Variants in NECTIN3 observed in about 807,000 individuals in gnomAD.
The protein encoded by NECTIN3 is nectin-3.
A neutral mutation model predicts 49.4 loss-of-function variants in NECTIN3; 8 were observed. The ratio of observed to expected loss-of-function variants is 0.16; its 90% CI spans 0.10 to 0.29. The LOEUF (loss-of-function observed/expected upper bound fraction) is 0.29, where lower values mean the gene tolerates loss of function less well. NECTIN3 is among the 10% of genes least tolerant of loss of function. The probability of loss-of-function intolerance (pLI) is 1.00; values close to 1 mark genes in which losing one functional copy is unlikely to be tolerated. For synonymous variants in NECTIN3, 277 were observed against 241.1 expected (o/e 1.15, Z -1.38); for missense variants, 581 against 654.6 (o/e 0.89, Z 1.23).
At chr3:111,176,905 C>A (rs2035540422) in intron 7 of NECTIN3, among the ~76,000 whole-genome samples, 1 of 152,052 alleles carries the variant, frequency 6.6e-6, no homozygotes, top group African/African-American at 2.4e-5. Flanking sequence ...TCTCATCTTT[C>A]AATAGGAAGG....
At chr3:111,080,441 A>G (rs2031519762) in intron 1 of NECTIN3, among the ~76,000 whole-genome samples, 1 of 152,148 alleles carries the variant, frequency 6.6e-6, no homozygotes, top group South Asian at 2.1e-4. Flanking sequence ...ATCTCTTGAA[A>G]TATAAAACAA....
Position 111,133,671 on chromosome 3 carries a change from A to G in NECTIN3, c.1106A>G (p.Gln369Arg), listed in dbSNP as rs2034471484. The G allele has an allele frequency of 6.2e-7, 1 of 1,613,820 alleles. No individual in the cohort carries two copies. The highest frequency in any genetic ancestry group is 1.7e-5 in the Admixed American group (1 of 59,966). ...PTTTTLQPTI[Q>R]WHPSTADIED... ...ACTACCACCCTTCAGCCTACAATTCAGTGGCATCCCTCAACTGCTGACATC... is the reference window on the plus strand; with the variant it reads ...ACTACCACCCTTCAGCCTACAATTCGGTGGCATCCCTCAACTGCTGACATC... The change falls in exon 6 of 6, where the codon CAG (glutamine) becomes CGG (arginine). Residue 369 changes from glutamine to arginine, a missense_variant. Gln to Arg is a conservative substitution (Grantham distance 43). This residue lies in a region of NECTIN3 where 238 missense variants were observed against 244.9 expected (regional missense o/e 0.97). Transcript: ENST00000485303.
intron 2 of NECTIN3, among the ~76,000 whole-genome samples, chr3:111,115,092 TCCGTGG>T (rs931963653): frequency 3.3e-5 from 5 of 152,176 alleles, no homozygotes; most frequent in African/African-American, 1.2e-4. Flanking sequence ...GTAGACAGCA[TCCGTGG>T]CCTCTAAACA....
intron 7 of NECTIN3, among the ~76,000 whole-genome samples, chr3:111,170,518 G>C (rs2035415406): frequency 6.6e-6 from 1 of 152,150 alleles, no homozygotes; most frequent in Admixed American, 6.5e-5. Context: ...ATAGAAATAG[G>C]TATAGGGAGT....
intron 7 of NECTIN3, among the ~76,000 whole-genome samples, chr3:111,175,355 C>G (rs1284993163): frequency 4.6e-5 from 7 of 151,484 alleles, no homozygotes; most frequent in Admixed American, 4.6e-4. Flanking sequence ...AGGGTGGGAC[C>G]TTTGCCAGGC....
At chr3:111,116,251 A>G (rs1039982540) in intron 2 of NECTIN3, among the ~76,000 whole-genome samples, 10 of 152,168 alleles carry the variant, frequency 6.6e-5, no homozygotes, top group Non-Finnish European at 1.5e-4. Context: ...CATATCAAGA[A>G]AAGATATGAA....
At chr3:111,186,498 G>A (rs138840088) in intron 7 of NECTIN3, among the ~76,000 whole-genome samples, 73 of 152,188 alleles carry the variant, frequency 4.8e-4, no homozygotes, top group African/African-American at 1.8e-3. Flanking sequence ...AGGGTAAATG[G>A]CTAGCCATAT....
At chr3:111,153,083 T>G (rs1435896520) in intron 7 of NECTIN3, among the ~76,000 whole-genome samples, 1 of 151,926 alleles carries the variant, frequency 6.6e-6, no homozygotes, top group African/African-American at 2.4e-5. Flanking sequence ...TTTTTCCAAA[T>G]TATAGAGAAG....
intron 7 of NECTIN3, among the ~76,000 whole-genome samples, chr3:111,158,112 T>A (rs2035134440): frequency 6.6e-6 from 1 of 152,244 alleles, no homozygotes; most frequent in African/African-American, 2.4e-5. Flanking sequence ...AAACATTGTC[T>A]TATGGTTGCT....
intron 7 of NECTIN3, among the ~76,000 whole-genome samples, chr3:111,158,769 A>G (rs997306300): frequency 2.6e-4 from 40 of 152,194 alleles, no homozygotes; most frequent in African/African-American, 5.3e-4. Flanking sequence ...ATTAAAAACA[A>G]TAGGTCTTTG....
At chr3:111,072,802 T>C in intron 1 of NECTIN3, 1 of 471,456 alleles carries the variant, frequency 2.1e-6, no homozygotes, top group South Asian at 2.4e-5. Context: ...TCTCTCACAC[T>C]GCCCGTGCTT....
intron 2 of NECTIN3, among the ~76,000 whole-genome samples, chr3:111,118,259 T>TATATATA (rs1428455356): frequency 8.3e-6 from 1 of 120,404 alleles, no homozygotes; most frequent in Non-Finnish European, 1.8e-5. Flanking sequence ...TATATATATA[T>TATATATA]ATATATATAT....
Position 111,136,241 on chromosome 3 carries a change from CTG to C in NECTIN3, c.*2027_*2028del, listed in dbSNP as rs1192846952. On this transcript the variant is annotated 3_prime_UTR_variant, in exon 6 of 6. Transcript: ENST00000485303. ...ATTTAGGATTCTATATAAATCTCAA[CTG>C]GAGTATAATCTGAAGGAAATTAGCA... The C allele has an allele frequency of 2.1e-6, 2 of 960,330 alleles. No homozygotes were observed. The highest frequency in any genetic ancestry group is 1.2e-4 in the Admixed American group (2 of 16,100). 59.5% of individuals were successfully genotyped at this position (960,330 alleles called of 1,614,324 possible). A position where few individuals can be genotyped will look rare whatever the true frequency, so the allele number is the denominator to read the frequency against.
intron 7 of NECTIN3, among the ~76,000 whole-genome samples, chr3:111,170,213 CAGTA>C (rs2035406758): frequency 6.6e-6 from 1 of 151,986 alleles, no homozygotes; most frequent in Non-Finnish European, 1.5e-5. Context: ...TAGAGGGGGA[CAGTA>C]AGTGAGGGTA....
intron 7 of NECTIN3, among the ~76,000 whole-genome samples, chr3:111,176,154 A>C (rs2035524795): frequency 6.6e-6 from 1 of 152,208 alleles, no homozygotes; most frequent in African/African-American, 2.4e-5. Flanking sequence ...ATGAAGAGAA[A>C]ATAGTTTTCA....
intron 1 of NECTIN3, among the ~76,000 whole-genome samples, chr3:111,087,082 C>T (rs753176919): frequency 3.9e-5 from 6 of 151,944 alleles, no homozygotes; most frequent in African/African-American, 7.3e-5. Flanking sequence ...GGTACTGTGA[C>T]CTTATGTAAA....
intron 7 of NECTIN3, among the ~76,000 whole-genome samples, chr3:111,151,444 AAGAAC>A (rs2034998790): frequency 6.6e-6 from 1 of 152,112 alleles, no homozygotes; most frequent in East Asian, 1.9e-4. Flanking sequence ...ATGTATGAAA[AAGAAC>A]AGAGAAAAAG....
chr3:111,086,529 A>C (rs1017480255), intron 1 of NECTIN3, among the ~76,000 whole-genome samples: 1 of 152,150 alleles, frequency 6.6e-6, no homozygotes, highest in Admixed American at 6.5e-5. Context: ...CTGCTGTGCA[A>C]TGCTGGCTTT....
chr3:111,132,749 C>T (rs1289276996), intron 5 of NECTIN3, among the ~76,000 whole-genome samples: 1 of 151,838 alleles, frequency 6.6e-6, no homozygotes, highest in Non-Finnish European at 1.5e-5. Flanking sequence ...AAAATATTAG[C>T]TGTTCTTTTT....
Sources: gnomAD v4.1 joint callset for allele counts (sites outside exome capture counted in the v4.1 genomes callset) on GRCh38, gnomAD v4.1.1 for gene constraint, gnomAD v4.1.1 regional missense constraint, MANE v1.5 for transcripts, NCBI Gene and HGNC (gene_info 2026-07-23, HGNC 2026-07-21) for gene names.